The following SNX31 variants were observed in gnomAD, a reference collection of about 807,000 sequenced individuals.
SNX31 encodes sorting nexin-31.
SNX31 carries 58 observed loss-of-function variants against 65.4 expected under a neutral mutation model. The ratio of observed to expected loss-of-function variants is 0.89; its 90% CI spans 0.72 to 1.10. The LOEUF (loss-of-function observed/expected upper bound fraction) is 1.10. SNX31 is among the 50% of genes least tolerant of loss of function. The pLI is 0.00. For missense variants in SNX31, 523 were observed against 529.7 expected (o/e 0.99, Z 0.12); for synonymous variants, 181 against 190.1 (o/e 0.95, Z 0.39).
chr8:100,634,329 C>T (rs1818602417), intron 3 of SNX31, among the ~76,000 whole-genome samples: 1 of 152,194 alleles, frequency 6.6e-6, no homozygotes, highest in African/African-American at 2.4e-5. Flanking sequence ...TAATAAAGAC[C>T]TCTGACATCT....
intron 8 of SNX31, among the ~76,000 whole-genome samples, chr8:100,606,242 C>T (rs1233826311): frequency 6.6e-6 from 1 of 152,076 alleles, no homozygotes; most frequent in African/African-American, 2.4e-5. Context: ...GCCATAGTGC[C>T]CAGGCTGGTC....
At chr8:100,636,824 C>G (rs1440803596) in intron 2 of SNX31, among the ~76,000 whole-genome samples, 1 of 152,094 alleles carries the variant, frequency 6.6e-6, no homozygotes, top group Non-Finnish European at 1.5e-5. Context: ...TGGGTTCGAG[C>G]AATTCTCCTG....
At chr8:100,580,731 C>A (rs772930672) in intron 12 of SNX31, among the ~76,000 whole-genome samples, 1 of 152,158 alleles carries the variant, frequency 6.6e-6, no homozygotes, top group Non-Finnish European at 1.5e-5. Context: ...CCACCCCATC[C>A]AGCCCTAGAC....
chr8:100,628,792 G>A (rs75966031), intron 4 of SNX31, among the ~76,000 whole-genome samples: 34 of 151,086 alleles, frequency 2.3e-4, no homozygotes, highest in African/African-American at 7.3e-4. Context: ...TTGAGTGTGC[G>A]CTTGTTTGTA....
rs1407055211 is a variant in SNX31 at position 100,594,662 on chromosome 8, T to C, written c.978+1977A>G. On this transcript the variant is annotated intron_variant, in intron 10 of 13. Transcript: ENST00000311812. The surrounding 1 kb of genome is among the most constrained non-coding windows in gnomAD (Gnocchi z 4.0). ...TGACAACACCAAATGCTGGTGAGAA[T>C]GCAGAAAACTGGTTCACTCACACAT... Among the ~76,000 whole-genome samples, 1 of 152,204 alleles carries C rather than the reference T, an allele frequency of 6.6e-6. No individual in the cohort carries two copies. The highest frequency in any genetic ancestry group is 2.4e-5 in the African/African-American group (1 of 41,458).
rs916910135 is a variant in SNX31, at chr8:100,609,267, G to A, written c.612-704C>T. 1.4e-4 allele frequency among the ~76,000 whole-genome samples: 21 copies of A among 152,180 alleles called. No individual in the cohort carries two copies. The highest frequency in any genetic ancestry group is 5.1e-4 in the African/African-American group (21 of 41,506). On this transcript the variant is annotated intron_variant, in intron 7 of 13. Transcript: ENST00000311812. The surrounding 1 kb of genome is among the most constrained non-coding windows in gnomAD (Gnocchi z 4.9). ...ACCAGTCTCCTCCCCTGACTGATTG[G>A]CCTTTCTTTGCAAGCCTTATGCAGT...
rs1222778593 is a variant in SNX31, at chr8:100,649,491, C to T, written c.24G>A (p.Pro8=). 3 of 1,579,152 alleles carry T rather than the reference C, an allele frequency of 1.9e-6. No homozygotes were observed. Among genetic ancestry groups the T allele is most frequent in the Admixed American group, 3.7e-5 (2 of 54,192 alleles). The stretch of plus-strand genomic sequence containing the variant: ...GCGCGTCGGACCGCTGCTGGGACAC[C>T]GGGATACAGAAATGCATCTTCATGG... The part of the protein sequence containing the change: MKMHFCI[P]VSQQRSDALG... Residue 8 remains proline, a synonymous_variant, in exon 1 of 14, where the codon CCG becomes CCA. Coordinates refer to ENST00000311812, the MANE Select transcript of SNX31 (RefSeq NM_152628.4).
intron 2 of SNX31, among the ~76,000 whole-genome samples, chr8:100,637,609 A>G (rs375120857): frequency 1.3e-5 from 2 of 152,216 alleles, no homozygotes; most frequent in African/African-American, 4.8e-5. Flanking sequence ...AGATTATTGC[A>G]ATCGCCTTCC....
chr8:100,583,836 A>G (rs1449362935), intron 12 of SNX31, among the ~76,000 whole-genome samples: 3 of 152,244 alleles, frequency 2.0e-5, no homozygotes. Context: ...AGGCTGAAAC[A>G]AAATGATACA....
intron 8 of SNX31, among the ~76,000 whole-genome samples, chr8:100,602,948 T>TG (rs1815780767): frequency 6.6e-6 from 1 of 152,090 alleles, no homozygotes; most frequent in Non-Finnish European, 1.5e-5. Context: ...CTCTGTTCTG[T>TG]GGGGAGGAAC....
intron 8 of SNX31, among the ~76,000 whole-genome samples, chr8:100,602,410 T>C (rs1256669759): frequency 6.6e-6 from 1 of 152,236 alleles, no homozygotes; most frequent in East Asian, 1.9e-4. Context: ...CCAACTACAG[T>C]GGTCCCCCTT....
At chr8:100,580,750 T>C (rs1246830517) in intron 12 of SNX31, among the ~76,000 whole-genome samples, 1 of 152,202 alleles carries the variant, frequency 6.6e-6, no homozygotes, top group African/African-American at 2.4e-5. Flanking sequence ...ACTGCCTACC[T>C]CTGGACTTCT....
At chr8:100,608,459 T>C in intron 8 of SNX31, 35 bp downstream of exon 8, 1 of 1,607,046 alleles carries the variant, frequency 6.2e-7, no homozygotes, top group Non-Finnish European at 8.5e-7. Context: ...TGGCCTATGA[T>C]CTACGGTGCT....
intron 8 of SNX31, among the ~76,000 whole-genome samples, 160 bp downstream of exon 8, chr8:100,608,334 C>CG (rs1816373543): frequency 6.6e-6 from 1 of 152,100 alleles, no homozygotes; most frequent in African/African-American, 2.4e-5. Context: ...TCTCCACCCC[C>CG]CACAGCCCCT....
chr8:100,632,093 TG>T (rs1818453184), intron 3 of SNX31, among the ~76,000 whole-genome samples: 1 of 152,104 alleles, frequency 6.6e-6, no homozygotes, highest in African/African-American at 2.4e-5. Flanking sequence ...GGAGCTAAAG[TG>T]GGGTTTGACA....
At chr8:100,611,052 T>C (rs1816671022) in intron 7 of SNX31, among the ~76,000 whole-genome samples, 9 of 152,158 alleles carry the variant, frequency 5.9e-5, no homozygotes, top group Admixed American at 5.9e-4. Flanking sequence ...CTCCACAGGC[T>C]CCTGTGTTAC....
At position 100,613,218 on chromosome 8, in the gene SNX31, G is replaced by T. The variant is rs1476816041; in HGVS notation, c.433-133C>A. The T allele has an allele frequency of 3.1e-6, 2 of 651,862 alleles. No homozygotes were observed. The highest frequency in any genetic ancestry group is 5.3e-6 in the Non-Finnish European group (2 of 376,160). The allele number at this position is 651,862 out of a possible 1,614,324, so 40.4% of individuals were successfully genotyped here. ...TGTCATGGGTTAGTGAACACTCAAA[G>T]AAAGCTTTTTGGAATCAAAAAATGG... is the stretch of plus-strand genomic sequence containing the variant. On this transcript the variant is annotated intron_variant, in intron 5 of 13. Coordinates refer to ENST00000311812, the MANE Select transcript of SNX31 (RefSeq NM_152628.4). This position sits in a 1 kb window ranked among gnomAD's most constrained non-coding sequence, Gnocchi z 5.2.
rs1423431297 is a variant in SNX31, at chr8:100,610,147, C to CA, written c.612-1585dup. On this transcript the variant is annotated intron_variant, in intron 7 of 13. Coordinates refer to ENST00000311812, the MANE Select transcript of SNX31 (RefSeq NM_152628.4). This position sits in a 1 kb window ranked among gnomAD's most constrained non-coding sequence, Gnocchi z 4.0. Reference sequence around the variant, plus strand: ...CTCCTTTCTTCCCAGTTCCCATCAACAGAGGCAATCTGCCTAGATCTGAGA... The same window carrying CA: ...CTCCTTTCTTCCCAGTTCCCATCAACAAGAGGCAATCTGCCTAGATCTGAGA... 2.0e-5 allele frequency among the ~76,000 whole-genome samples: 3 copies of CA among 152,248 alleles called. No individual in the cohort carries two copies. Among genetic ancestry groups the CA allele is most frequent in the Non-Finnish European group, 4.4e-5 (3 of 68,046 alleles).
At chr8:100,624,322 A>G (rs1023644907) in intron 4 of SNX31, among the ~76,000 whole-genome samples, 5 of 152,194 alleles carry the variant, frequency 3.3e-5, no homozygotes, top group South Asian at 2.1e-4. Context: ...TCATATATGT[A>G]TATAATTAAC....
Sources: allele counts gnomAD v4.1 joint callset (sites outside exome capture counted in the v4.1 genomes callset), GRCh38; gene constraint gnomAD v4.1.1; non-coding constraint Gnocchi (gnomAD v3.1); transcripts MANE v1.5; gene names NCBI Gene and HGNC (gene_info 2026-07-23, HGNC 2026-07-21).